PNPLA3: variants seen among roughly 807,000 people sequenced by gnomAD.
The protein encoded by PNPLA3 is patatin like domain 3, 1-acylglycerol-3-phosphate O-acyltransferase.
In PNPLA3, 42 loss-of-function variants were observed where a neutral mutation model predicts 43.1. That is an observed-to-expected ratio of 0.97 (90% confidence interval 0.76 to 1.26). PNPLA3 has a LOEUF of 1.26. PNPLA3 is among the 50% of genes most tolerant of loss of function. PNPLA3 has a pLI of 0.00. For missense variants in PNPLA3, 647 were observed against 621.4 expected, an observed-to-expected ratio of 1.04 and a Z score of -0.44; for synonymous variants, 272 against 253.6, an observed-to-expected ratio of 1.07 and a Z score of -0.69.
At chr22:43,932,808 G>A in intron 3 of PNPLA3, 70 bp from the exon 4 acceptor site, 2 of 1,417,968 alleles carry the variant, frequency 1.4e-6, no homozygotes, top group Non-Finnish European at 2.0e-6. Context: ...ACATGTGAAA[G>A]CTTGTTAAGC....
At chr22:43,939,499 T>C in intron 6 of PNPLA3, 1 of 839,840 alleles carries the variant, frequency 1.2e-6, no homozygotes, top group Non-Finnish European at 1.5e-6. Flanking sequence ...CCGCTTCAGC[T>C]TCACACTGCC....
intron 3 of PNPLA3, 111 bp from the exon 4 acceptor site, chr22:43,932,767 A>G (rs1461724295): frequency 5.5e-6 from 5 of 905,720 alleles, no homozygotes; most frequent in Non-Finnish European, 8.9e-6. Flanking sequence ...CCTCCATATC[A>G]GCCTGTTTGT....
chr22:43,946,902 T>C lies in PNPLA3; in HGVS notation c.*520T>C. On this transcript the variant is annotated 3_prime_UTR_variant, in exon 9 of 9. Transcript: ENST00000216180. ...ACCTTGACTACTAAAAACGTCTCCA[T>C]GGCGGGGGTAACAAGATGATAATCT... 1 of 330,664 alleles carries C rather than the reference T, an allele frequency of 3.0e-6. No homozygotes were observed. The highest frequency in any genetic ancestry group is 2.4e-5 in the South Asian group (1 of 41,966). The allele number at this position is 330,664 out of a possible 1,614,324, so 20.5% of individuals were successfully genotyped here.
rs547397378 is a variant in PNPLA3, at chr22:43,940,538, G to A, written c.1112+413G>A. Among the ~76,000 whole-genome samples the A allele has an allele frequency of 1.2e-4, 19 of 152,370 alleles. No individual in the cohort carries two copies. The South Asian group carries it at 2.5e-3, about 20-fold the overall frequency. ...TTAAAATCACATGAAGGCCGGCGCC[G>A]TGGCTCACGGCTGTAATCCCAGCAT... On this transcript the variant is annotated intron_variant, in intron 7 of 8. Coordinates refer to ENST00000216180, the MANE Select transcript of PNPLA3 (RefSeq NM_025225.3).
intron 7 of PNPLA3, among the ~76,000 whole-genome samples, chr22:43,941,037 G>C (rs946728625): frequency 7.3e-5 from 11 of 151,212 alleles, no homozygotes; most frequent in East Asian, 3.9e-4. Context: ...TACTCCGGAG[G>C]CTAAGGCAGG....
At chr22:43,928,563 T>C (rs2049940258) in intron 2 of PNPLA3, among the ~76,000 whole-genome samples, 1 of 151,620 alleles carries the variant, frequency 6.6e-6, no homozygotes, top group African/African-American at 2.4e-5. Flanking sequence ...TGACCCAGTG[T>C]GACTCTCATG....
intron 7 of PNPLA3, among the ~76,000 whole-genome samples, chr22:43,940,921 A>G (rs1381367712): frequency 1.3e-5 from 2 of 151,152 alleles, no homozygotes; most frequent in African/African-American, 4.9e-5. Context: ...TGGGTGGATA[A>G]TGAGGTCAGG....
intron 3 of PNPLA3, among the ~76,000 whole-genome samples, chr22:43,929,835 G>C (rs1273742287): frequency 6.6e-6 from 1 of 152,086 alleles, no homozygotes; most frequent in East Asian, 1.9e-4. Context: ...GACCTCAGGT[G>C]ATCCGCCCGC....
At chr22:43,930,809 G>T (rs1273786547) in intron 3 of PNPLA3, among the ~76,000 whole-genome samples, 1 of 152,154 alleles carries the variant, frequency 6.6e-6, no homozygotes, top group Non-Finnish European at 1.5e-5. Flanking sequence ...TGCTAGTCTT[G>T]CATCCTTCCC....
intron 6 of PNPLA3, among the ~76,000 whole-genome samples, chr22:43,939,180 C>A (rs183074307): frequency 3.9e-5 from 6 of 152,278 alleles, no homozygotes; most frequent in East Asian, 1.9e-4. Flanking sequence ...ACAACTTCAG[C>A]CTCCCAAAGT....
In PNPLA3 at chr22:43,940,913, G is replaced by C. The variant is rs527783485; in HGVS notation, c.1112+788G>C. 2.6e-5 allele frequency among the ~76,000 whole-genome samples: 4 copies of C among 151,754 alleles called. No homozygotes were observed. The East Asian group carries it at 7.8e-4, about 30-fold the overall frequency. ...CCCAGCGCTTTGGGAGGCCGAGGTG[G>C]GTGGATAATGAGGTCAGGAGTTCAA... On this transcript the variant is annotated intron_variant, in intron 7 of 8. Transcript: ENST00000216180.
intron 3 of PNPLA3, among the ~76,000 whole-genome samples, chr22:43,929,251 A>G (rs1754132536): frequency 6.6e-6 from 1 of 152,072 alleles, no homozygotes; most frequent in African/African-American, 2.4e-5. Context: ...TGAAGCAGGC[A>G]GATCACTTGA....
rs2049902514 is a variant in PNPLA3, at chr22:43,923,894, C to CG, written c.-17dup. 14 of 1,495,848 alleles carry CG rather than the reference C, an allele frequency of 9.4e-6. No homozygotes were observed. The East Asian group carries it at 3.7e-4, about 40-fold the overall frequency. The allele number at this position is 1,495,848 out of a possible 1,614,324, so 92.7% of individuals were successfully genotyped here. ...CGACCCAGATCCTAACCCGCGCCCC[C>CG]GCCCCGCCGCCGCCGCCATGTACGA... On this transcript the variant is annotated 5_prime_UTR_variant, in exon 1 of 9. Coordinates refer to ENST00000216180, the MANE Select transcript of PNPLA3 (RefSeq NM_025225.3).
intron 5 of PNPLA3, among the ~76,000 whole-genome samples, chr22:43,935,401 G>C (rs1175118810): frequency 1.3e-5 from 2 of 152,178 alleles, no homozygotes; most frequent in Non-Finnish European, 2.9e-5. Flanking sequence ...GAAGTGAGCA[G>C]ATAAGTAAGC....
chr22:43,937,237 G>T lies in PNPLA3; in HGVS notation c.944G>T (p.Ser315Ile), dbSNP rs2050001546. ...LRLSILPWDE[S>I]ILDTLSPRLA... is the part of the protein sequence containing the mutation. ...CTCAGCATCCTGCCCTGGGATGAGA[G>T]CATCCTGGACACCCTCTCGCCCAGG... Residue 315 changes from serine (S) to isoleucine (I), a missense_variant, in exon 6 of 9, where the codon AGC (serine) becomes ATC (isoleucine). Transcript: ENST00000216180. 6.2e-7 allele frequency: 1 copy of T among 1,614,046 alleles called. No homozygotes were observed. The highest frequency in any genetic ancestry group is 8.5e-7 in the Non-Finnish European group (1 of 1,179,994).
chr22:43,932,020 G>A (rs983323361), intron 3 of PNPLA3, among the ~76,000 whole-genome samples: 15 of 152,112 alleles, frequency 9.9e-5, no homozygotes, highest in Non-Finnish European at 1.8e-4. Flanking sequence ...GTGGAAGGGC[G>A]GGCTGGGGAG....
rs147289545 is a variant in PNPLA3, at chr22:43,946,276, G to A, written c.1340G>A (p.Arg447Gln). Residue 447 changes from arginine to glutamine, a missense_variant, in exon 9 of 9, where the codon CGG (arginine) becomes CAG (glutamine). Arg to Gln is a conservative substitution (Grantham distance 43). Coordinates refer to ENST00000216180, the MANE Select transcript of PNPLA3 (RefSeq NM_025225.3). ...GAGACCAAAGCAGAGGCCACCCCGCGGTCCATCCTCAGGTCCAGCCTGAAC... is the reference window on the plus strand; with the variant it reads ...GAGACCAAAGCAGAGGCCACCCCGCAGTCCATCCTCAGGTCCAGCCTGAAC... ...PAETKAEATPRSILRSSLNFF... is the reference protein window; with the variant it reads ...PAETKAEATPQSILRSSLNFF... The A allele has an allele frequency of 5.8e-5, 93 of 1,614,168 alleles. 1 individual carries two copies. In the East Asian group the frequency reaches 1.6e-3, roughly 27 times the overall value.
At chr22:43,936,597 T>C (rs2281138) in intron 5 of PNPLA3, among the ~76,000 whole-genome samples, 30,368 of 152,166 alleles carry the variant, frequency 0.2, 3,571 homozygotes, top group East Asian at 0.39. Flanking sequence ...CTTCAAATCC[T>C]GGCTCTGCTA....
intron 3 of PNPLA3, among the ~76,000 whole-genome samples, chr22:43,929,274 G>A (rs1427932652): frequency 6.6e-6 from 1 of 152,068 alleles, no homozygotes; most frequent in Non-Finnish European, 1.5e-5. Flanking sequence ...TCAGGAGTTC[G>A]AGACCAGCCT....
Sources: allele counts gnomAD v4.1 joint callset (sites outside exome capture counted in the v4.1 genomes callset), GRCh38; gene constraint gnomAD v4.1.1; transcripts MANE v1.5; gene names NCBI Gene and HGNC (gene_info 2026-07-23, HGNC 2026-07-21).